KCNJ10: variants seen among roughly 807,000 people sequenced by gnomAD.
KCNJ10 encodes ATP-sensitive inward rectifier potassium channel 10.
In KCNJ10, 9 loss-of-function variants were observed where a neutral mutation model predicts 22.2. The observed-to-expected ratio is 0.40, with a 90% CI of 0.24 to 0.71. The LOEUF (loss-of-function observed/expected upper bound fraction) is 0.71, where lower values mean the gene tolerates loss of function less well. Ranked by LOEUF, KCNJ10 falls within the 30% of genes least tolerant of loss-of-function variation. KCNJ10 has a pLI of 0.35. For synonymous variants in KCNJ10, 184 were observed against 187.3 expected (o/e 0.98, Z 0.15); for missense variants, 337 against 482.7 (o/e 0.70, Z 2.83).
rs1475030333 is a variant in KCNJ10, at chr1:160,041,642, G to A, written c.891C>T (p.Arg297=). Reference sequence around the variant, plus strand: ...GGATCTCCTCTGGCAGGTAGGAAGTGCGCACCTGACAGGTGGCACTGGTGG... The same window carrying A: ...GGATCTCCTCTGGCAGGTAGGAAGTACGCACCTGACAGGTGGCACTGGTGG... ...VESTSATCQV[R]TSYLPEEILW... Residue 297 remains arginine (R), a synonymous_variant, in exon 2 of 2, where the codon CGC becomes CGT. Transcript: ENST00000644903. The surrounding 1 kb of genome is among the most constrained non-coding windows in gnomAD (Gnocchi z 4.4). 1 of 1,614,182 alleles carries A rather than the reference G, an allele frequency of 6.2e-7. No homozygotes were observed. The highest frequency in any genetic ancestry group is 8.5e-7 in the Non-Finnish European group (1 of 1,180,020).
chr1:160,047,161 T>C (rs1449580412), intron 1 of KCNJ10, among the ~76,000 whole-genome samples: 1 of 152,236 alleles, frequency 6.6e-6, no homozygotes, highest in Non-Finnish European at 1.5e-5. Context: ...TTGTTCTACT[T>C]GAGAGTCATT....
intron 1 of KCNJ10, among the ~76,000 whole-genome samples, chr1:160,057,604 C>T (rs1232897987): frequency 6.6e-6 from 1 of 152,250 alleles, no homozygotes; most frequent in Admixed American, 6.5e-5. Flanking sequence ...CCCCCAGCCT[C>T]AGGAGTATCA....
intron 1 of KCNJ10, among the ~76,000 whole-genome samples, chr1:160,043,131 G>A (rs896736286): frequency 3.3e-5 from 5 of 152,082 alleles, no homozygotes; most frequent in Non-Finnish European, 7.4e-5. Context: ...AGGTGAGGGT[G>A]AGACTAATGA....
rs1319520929 is a variant in KCNJ10, at chr1:160,038,177, T to G, written c.*3216A>C. The stretch of plus-strand genomic sequence containing the variant: ...CACCAAAGTGTTCAGCTCCTGAGTT[T>G]GATTTCAGGGGCTAGAGCAATAGCA... On this transcript the variant is annotated 3_prime_UTR_variant, in exon 2 of 2. Transcript: ENST00000644903. The G allele has an allele frequency of 6.6e-6, 1 of 152,242 alleles. No individual in the cohort carries two copies. The allele number at this position is 152,242 out of a possible 1,614,324, so 9.4% of individuals were successfully genotyped here. A position where few individuals can be genotyped will look rare whatever the true frequency, so the allele number is the denominator to read the frequency against.
At chr1:160,045,260 T>C (rs1279954298) in intron 1 of KCNJ10, among the ~76,000 whole-genome samples, 2 of 152,234 alleles carry the variant, frequency 1.3e-5, no homozygotes, top group Non-Finnish European at 2.9e-5. Context: ...CCAGAGAGCT[T>C]CATCTTTGGC....
rs1353170652 is a variant in KCNJ10 at position 160,038,367 on chromosome 1, C to G, written c.*3026G>C. The G allele has an allele frequency of 6.6e-6, 1 of 152,184 alleles. No individual in the cohort carries two copies. The highest frequency in any genetic ancestry group is 2.4e-5 in the African/African-American group (1 of 41,426). 9.4% of individuals were successfully genotyped at this position (152,184 alleles called of 1,614,324 possible). Reference sequence around the variant, plus strand: ...GGTAGATTTTCCAAGACTTCCCCTCCCTATTGTCCTCCGAGTTCCTCTCTT... The same window carrying G: ...GGTAGATTTTCCAAGACTTCCCCTCGCTATTGTCCTCCGAGTTCCTCTCTT... On this transcript the variant is annotated 3_prime_UTR_variant, in exon 2 of 2. Transcript: ENST00000644903.
chr1:160,043,731 G>A (rs1648673327), intron 1 of KCNJ10, among the ~76,000 whole-genome samples: 2 of 152,226 alleles, frequency 1.3e-5, no homozygotes, highest in African/African-American at 4.8e-5. Context: ...TGTCTGCACA[G>A]GCTCAAATTC....
At chr1:160,053,506 G>T (rs1163257379) in intron 1 of KCNJ10, among the ~76,000 whole-genome samples, 2 of 152,152 alleles carry the variant, frequency 1.3e-5, no homozygotes, top group Non-Finnish European at 2.9e-5. Flanking sequence ...CAAACTTGAT[G>T]TCTTTATTCA....
intron 1 of KCNJ10, among the ~76,000 whole-genome samples, chr1:160,067,697 G>A (rs1649352817): frequency 1.3e-5 from 2 of 152,142 alleles, no homozygotes; most frequent in South Asian, 4.1e-4. Flanking sequence ...GGAAAGCTTA[G>A]GGACTCCATT....
chr1:160,051,568 T>G (rs1648903301), intron 1 of KCNJ10, among the ~76,000 whole-genome samples: 1 of 152,084 alleles, frequency 6.6e-6, no homozygotes, highest in Non-Finnish European at 1.5e-5. Context: ...TTGTCTTCAC[T>G]GAGCAAACTC....
In KCNJ10 at chr1:160,041,101, C is replaced by G; in HGVS notation, c.*292G>C. 2.1e-6 allele frequency: 1 copy of G among 476,868 alleles called. No individual in the cohort carries two copies. Among genetic ancestry groups the G allele is most frequent in the Non-Finnish European group, 3.8e-6 (1 of 259,782 alleles). The allele number at this position is 476,868 out of a possible 1,614,324, so 29.5% of individuals were successfully genotyped here. On this transcript the variant is annotated 3_prime_UTR_variant, in exon 2 of 2. Transcript: ENST00000644903. This position sits in a 1 kb window ranked among gnomAD's most constrained non-coding sequence, Gnocchi z 4.4. ...ACATGGTCCTCCTAATGTGAGTATC[C>G]AAGCATGGCTGAGGCCTTCTAAGCC... is the stretch of plus-strand genomic sequence containing the variant.
At chr1:160,044,783 G>A (rs1648701251) in intron 1 of KCNJ10, 1 of 152,246 alleles carries the variant, frequency 6.6e-6, no homozygotes, top group African/African-American at 2.4e-5. Context: ...GGGAGGCTGA[G>A]GCAGGAGGAT....
intron 1 of KCNJ10, among the ~76,000 whole-genome samples, chr1:160,051,604 C>T (rs1034008320): frequency 4.6e-5 from 7 of 151,998 alleles, no homozygotes; most frequent in Non-Finnish European, 1.0e-4. Context: ...GAGATGACAC[C>T]TTAAGCATAG....
chr1:160,058,859 T>C (rs1206064092), intron 1 of KCNJ10, among the ~76,000 whole-genome samples: 1 of 152,176 alleles, frequency 6.6e-6, no homozygotes, highest in Non-Finnish European at 1.5e-5. Context: ...GTCTCTTCCA[T>C]GGAACACTCT....
chr1:160,061,818 G>A (rs1172844639), intron 1 of KCNJ10, among the ~76,000 whole-genome samples: 6 of 151,822 alleles, frequency 4.0e-5, no homozygotes, highest in African/African-American at 1.2e-4. Flanking sequence ...TGTTGTGGAC[G>A]TGCGATCTGT....
At chr1:160,053,782 G>A (rs538574362) in intron 1 of KCNJ10, among the ~76,000 whole-genome samples, 14 of 152,248 alleles carry the variant, frequency 9.2e-5, no homozygotes, top group African/African-American at 2.9e-4. Context: ...TTGTGTCAAC[G>A]TTTGGAAAGT....
rs570874689 is a variant in KCNJ10, at chr1:160,065,884, G to C, written c.-1+4138C>G. On this transcript the variant is annotated intron_variant, in intron 1 of 1. Coordinates refer to ENST00000644903, the MANE Select transcript of KCNJ10 (RefSeq NM_002241.5). ...AGGGAAGGAGTCGAGGAGAGAGGGG[G>C]CTGGAGTCAGGGAGGTCATTAAGGA... Among the ~76,000 whole-genome samples the C allele has an allele frequency of 4.6e-5, 7 of 152,250 alleles. No homozygotes were observed. In the South Asian group the frequency reaches 1.5e-3, roughly 32 times the overall value.
At chr1:160,051,551 A>G (rs1648903057) in intron 1 of KCNJ10, among the ~76,000 whole-genome samples, 1 of 152,020 alleles carries the variant, frequency 6.6e-6, no homozygotes, top group Admixed American at 6.6e-5. Context: ...TTAATACTAT[A>G]GTTTATTTGT....
At chr1:160,058,182 C>G (rs1248959578) in intron 1 of KCNJ10, among the ~76,000 whole-genome samples, 1 of 152,190 alleles carries the variant, frequency 6.6e-6, no homozygotes, top group Admixed American at 6.5e-5. Flanking sequence ...TTCAGGCCCC[C>G]TTTTCCATGT....
Sources: gnomAD v4.1 joint callset for allele counts (sites outside exome capture counted in the v4.1 genomes callset) on GRCh38, gnomAD v4.1.1 for gene constraint, Gnocchi (gnomAD v3.1) non-coding constraint, MANE v1.5 for transcripts, NCBI Gene and HGNC (gene_info 2026-07-23, HGNC 2026-07-21) for gene names.